Variants in INO80 observed in about 807,000 individuals in gnomAD.
INO80 encodes INO80 complex ATPase subunit, also known as chromatin-remodeling ATPase INO80.
INO80 carries 20 observed loss-of-function variants against 203.4 expected under a neutral mutation model. The ratio of observed to expected loss-of-function variants is 0.10; its 90% CI spans 0.07 to 0.14. INO80 has a LOEUF of 0.14. INO80 is among the 10% of genes least tolerant of loss of function. The pLI is 1.00. For synonymous variants in INO80, 726 were observed against 685.2 expected (o/e 1.06, Z -0.93); for missense variants, 1,419 against 1,914.4 (o/e 0.74, Z 4.83).
rs1566941024 is a variant in INO80, at chr15:41,079,693, T to C, written c.1131+8A>G. 6.2e-7 allele frequency: 1 copy of C among 1,613,820 alleles called. No individual in the cohort carries two copies. The highest frequency in any genetic ancestry group is 2.2e-5 in the East Asian group (1 of 44,884). On this transcript the variant is annotated splice_region_variant and intron_variant, in intron 9 of 35. Coordinates refer to ENST00000648947, the MANE Select transcript of INO80 (RefSeq NM_017553.3). ...TAGGGTTTTCAAAATGTTATGCTTTTGCCCTACCTCCCGCATTTCCTCATC... is the reference window on the plus strand; with the variant it reads ...TAGGGTTTTCAAAATGTTATGCTTTCGCCCTACCTCCCGCATTTCCTCATC...
At chr15:41,089,511 GGAGGCCGAGGCGGGTGGATCACCT>G (rs925117126) in intron 5 of INO80, among the ~76,000 whole-genome samples, 2 of 152,302 alleles carry the variant, frequency 1.3e-5, no homozygotes, top group Admixed American at 1.3e-4. Context: ...CAGCACTTTG[GGAGGCCGAGGCGGGTGGATCACCT>G]GAGTCTGAGA....
In INO80 at chr15:40,983,057, G is replaced by C. The variant is rs868603239; in HGVS notation, c.4258C>G (p.Pro1420Ala). Residue 1420 changes from proline (P) to alanine (A), a missense_variant, in exon 35 of 36, where the codon CCA (proline) becomes GCA (alanine). Transcript: ENST00000648947. Reference sequence around the variant, plus strand: ...GCTGAGTGACCACGTCCTGCAGCTGGCATTTCCTGAATGGAAATTCCTGTG... The same window carrying C: ...GCTGAGTGACCACGTCCTGCAGCTGCCATTTCCTGAATGGAAATTCCTGTG... Reference protein sequence around the residue: ...TVNGISIQEMPAAGRGHSARS... With the variant: ...TVNGISIQEMAAAGRGHSARS... 1 of 1,613,484 alleles carries C rather than the reference G, an allele frequency of 6.2e-7. No homozygotes were observed. Among genetic ancestry groups the C allele is most frequent in the Middle Eastern group, 1.7e-4 (1 of 6,058 alleles).
In INO80 at chr15:41,116,213, C is replaced by A; in HGVS notation, c.-284G>T. 2.5e-6 allele frequency: 1 copy of A among 407,576 alleles called. No individual in the cohort carries two copies. Among genetic ancestry groups the A allele is most frequent in the Non-Finnish European group, 4.3e-6 (1 of 233,864 alleles). The allele number at this position is 407,576 out of a possible 1,614,324, so 25.2% of individuals were successfully genotyped here. A position where few individuals can be genotyped will look rare whatever the true frequency, so the allele number is the denominator to read the frequency against. ...GCTGGGCCGGCGGCGGCGGCGGCCA[C>A]TTTCACTCACTGAGAGGAGCGGAGC... On this transcript the variant is annotated 5_prime_UTR_variant, in exon 1 of 36. Coordinates refer to ENST00000648947, the MANE Select transcript of INO80 (RefSeq NM_017553.3).
At chr15:41,018,258 T>C (rs1295303159) in intron 26 of INO80, 2 of 152,218 alleles carry the variant, frequency 1.3e-5, no homozygotes, top group Non-Finnish European at 2.9e-5. Context: ...TTAATGCATA[T>C]AAAAATTTGT....
intron 16 of INO80, 34 bp from the exon 17 acceptor site, chr15:41,056,740 G>A (rs775404767): frequency 2.5e-6 from 4 of 1,569,510 alleles, no homozygotes; most frequent in Non-Finnish European, 3.5e-6. Context: ...ATTCATGTTA[G>A]CAATAAATTG....
At position 41,037,896 on chromosome 15, in the gene INO80, T is replaced by C. The variant is rs980698837; in HGVS notation, c.2907+7008A>G. On this transcript the variant is annotated intron_variant, in intron 24 of 35. Transcript: ENST00000648947. ...ACGCAGAGGTTGCAGTGAGCCAAGA[T>C]TGTGCCACTGCACTTTAGCCTGGGC... Among the ~76,000 whole-genome samples, 5 of 151,756 alleles carry C rather than the reference T, an allele frequency of 3.3e-5. No individual in the cohort carries two copies. In the East Asian group the frequency reaches 5.9e-4, roughly 18 times the overall value.
At chr15:40,997,497 C>T (rs571339147) in intron 29 of INO80, 32 bp downstream of exon 29, 1 of 1,403,894 alleles carries the variant, frequency 7.1e-7, no homozygotes, top group East Asian at 2.3e-5. Flanking sequence ...AGAAAACCTG[C>T]ATATCTAGTT....
chr15:41,100,722 G>A (rs1412716116), intron 1 of INO80, among the ~76,000 whole-genome samples: 1 of 152,044 alleles, frequency 6.6e-6, no homozygotes, highest in African/African-American at 2.4e-5. Flanking sequence ...TCTTTATGGT[G>A]GCAAAAGACA....
intron 6 of INO80, among the ~76,000 whole-genome samples, chr15:41,086,106 T>C (rs2140640809): frequency 6.6e-6 from 1 of 152,228 alleles, no homozygotes; most frequent in East Asian, 1.9e-4. Flanking sequence ...TATTTCTACT[T>C]GGTGGCAATA....
intron 1 of INO80, among the ~76,000 whole-genome samples, chr15:41,096,739 GAA>G (rs1214182441): frequency 6.6e-6 from 1 of 152,118 alleles, no homozygotes; most frequent in East Asian, 1.9e-4. Flanking sequence ...CCTCAGAAAG[GAA>G]AGTACTAGAG....
At chr15:40,985,297 G>A in intron 32 of INO80, 41 bp downstream of exon 32, 2 of 1,442,706 alleles carry the variant, frequency 1.4e-6, no homozygotes, top group Non-Finnish European at 2.0e-6. Flanking sequence ...AAGTACCCCA[G>A]GCCCCATTAG....
At chr15:41,008,442 T>C (rs946051700) in intron 27 of INO80, among the ~76,000 whole-genome samples, 5 of 151,904 alleles carry the variant, frequency 3.3e-5, no homozygotes, top group Admixed American at 2.0e-4. Flanking sequence ...AATGGGGAGA[T>C]GTTGGTCAAA....
chr15:40,987,040 C>T (rs1187888873), intron 31 of INO80, 51 bp downstream of exon 31: 1 of 1,082,770 alleles, frequency 9.2e-7, no homozygotes, highest in East Asian at 2.4e-5. Flanking sequence ...CCAAGTACCT[C>T]TTCCATTCTC....
At chr15:41,004,070 C>T (rs144803133) in intron 28 of INO80, among the ~76,000 whole-genome samples, 309 of 152,132 alleles carry the variant, frequency 2.0e-3, no homozygotes, top group African/African-American at 6.9e-3. Flanking sequence ...TTTGCCAAAA[C>T]AATGTGGTGG....
Position 41,102,630 on chromosome 15 carries a change from C to T in INO80, c.-43-6277G>A, listed in dbSNP as rs192545430. ...GGTTACAGTGAGCCAGTATCGTGCACACTGCACTACACCCTGGGCAACAGA... is the reference window on the plus strand; with the variant it reads ...GGTTACAGTGAGCCAGTATCGTGCATACTGCACTACACCCTGGGCAACAGA... On this transcript the variant is annotated intron_variant, in intron 1 of 35. Transcript: ENST00000648947. 2.4e-3 allele frequency among the ~76,000 whole-genome samples: 366 copies of T among 151,934 alleles called. 1 individual carries two copies. The highest frequency in any genetic ancestry group is 8.1e-3 in the African/African-American group (337 of 41,368).
intron 1 of INO80, among the ~76,000 whole-genome samples, chr15:41,098,196 TTC>T (rs962149205): frequency 1.3e-5 from 2 of 152,178 alleles, no homozygotes; most frequent in African/African-American, 4.8e-5. Flanking sequence ...TTGAGTTGTC[TTC>T]TCTTTTTTTT....
At chr15:41,028,954 A>C (rs1189703039) in intron 24 of INO80, among the ~76,000 whole-genome samples, 1 of 152,268 alleles carries the variant, frequency 6.6e-6, no homozygotes, top group Non-Finnish European at 1.5e-5. Flanking sequence ...TTCACATACA[A>C]ATCACTCCTC....
intron 1 of INO80, among the ~76,000 whole-genome samples, chr15:41,100,963 G>A (rs112614319): frequency 0.074 from 11,219 of 151,576 alleles, 1,215 homozygotes; most frequent in African/African-American, 0.24. Context: ...CCAAGTAGCT[G>A]GGACTACAGG....
At chr15:40,998,088 C>A (rs537096373) in intron 28 of INO80, among the ~76,000 whole-genome samples, 2 of 139,726 alleles carry the variant, frequency 1.4e-5, no homozygotes, top group Admixed American at 1.6e-4. Context: ...GAGGCGCGAT[C>A]TCAGCTCACT....
Sources: gnomAD v4.1 joint callset for allele counts (sites outside exome capture counted in the v4.1 genomes callset) on GRCh38, gnomAD v4.1.1 for gene constraint, MANE v1.5 for transcripts, NCBI Gene and HGNC (gene_info 2026-07-23, HGNC 2026-07-21) for gene names.